NXNL2: variants seen among roughly 807,000 people sequenced by gnomAD.
NXNL2 encodes nucleoredoxin like 2.
Under a neutral mutation model 11.1 loss-of-function variants are expected in NXNL2, and 7 were observed. The ratio of observed to expected loss-of-function variants is 0.63; its 90% CI spans 0.36 to 1.18. The LOEUF is 1.18. Among genes scored for constraint, NXNL2 ranks in the 50% most tolerant of loss-of-function variants. NXNL2 has a pLI of 0.02. For missense variants in NXNL2, 233 were observed against 217.7 expected, an observed-to-expected ratio of 1.07 and a Z score of -0.44; for synonymous variants, 109 against 101.8, an observed-to-expected ratio of 1.07 and a Z score of -0.42.
chr9:88,540,936 T>TTTC (rs1491276506), intron 1 of NXNL2, among the ~76,000 whole-genome samples: 2 of 62,044 alleles, frequency 3.2e-5, no homozygotes, highest in African/African-American at 6.4e-4. Flanking sequence ...TCTCAGTAGA[T>TTTC]TTTTTTTTTT....
chr9:88,571,574 A>G (rs142229493), intron 2 of NXNL2, among the ~76,000 whole-genome samples: 1 of 152,330 alleles, frequency 6.6e-6, no homozygotes, highest in East Asian at 1.9e-4. Flanking sequence ...TGGCTCTGGT[A>G]ACTGTGCTGC....
intron 1 of NXNL2, among the ~76,000 whole-genome samples, chr9:88,540,463 C>CGAG (rs1829730879): frequency 6.6e-6 from 1 of 152,114 alleles, no homozygotes; most frequent in South Asian, 2.1e-4. Flanking sequence ...GTTCCACACG[C>CGAG]GCCTCCCCTG....
chr9:88,576,811 C>T (rs772233978), downstream of NXNL2, among the ~76,000 whole-genome samples: 3 of 152,220 alleles, frequency 2.0e-5, no homozygotes, highest in East Asian at 1.9e-4. Flanking sequence ...TTCTCTGGGA[C>T]GTAAGAGCCT....
chr9:88,546,969 C>T (rs528282214), downstream of NXNL2, among the ~76,000 whole-genome samples: 3 of 152,194 alleles, frequency 2.0e-5, no homozygotes, highest in Non-Finnish European at 2.9e-5. Context: ...TTATTTTTTC[C>T]GTGTGTACAC....
intron 1 of NXNL2, among the ~76,000 whole-genome samples, chr9:88,538,553 CGGT>C (rs1829678929): frequency 6.6e-6 from 1 of 152,214 alleles, no homozygotes; most frequent in South Asian, 2.1e-4. Context: ...TGTCTCCTCA[CGGT>C]GGCAGAATGG....
intron 1 of NXNL2, among the ~76,000 whole-genome samples, chr9:88,581,160 TGACTCACA>T (rs1380521689): frequency 6.6e-6 from 1 of 152,236 alleles, no homozygotes; most frequent in African/African-American, 2.4e-5. Context: ...TTTCATGCAC[TGACTCACA>T]GTGTCTGCCA....
At chr9:88,541,644 T>C (rs1280898880) in intron 1 of NXNL2, among the ~76,000 whole-genome samples, 2 of 152,194 alleles carry the variant, frequency 1.3e-5, no homozygotes, top group African/African-American at 2.4e-5. Context: ...TTTTTGTTGG[T>C]TCATTTCCTA....
chr9:88,563,614 T>G (rs1187411934), intron 1 of NXNL2, among the ~76,000 whole-genome samples: 1 of 152,186 alleles, frequency 6.6e-6, no homozygotes, highest in Non-Finnish European at 1.5e-5. Flanking sequence ...GAGGTTTAAA[T>G]TGGATCATGT....
At chr9:88,542,747 A>G (rs528505997) in intron 1 of NXNL2, among the ~76,000 whole-genome samples, 58 of 152,340 alleles carry the variant, frequency 3.8e-4, no homozygotes, top group South Asian at 8.3e-4. Flanking sequence ...AATAAACCAT[A>G]TTCTCTCTCT....
intron 1 of NXNL2, among the ~76,000 whole-genome samples, chr9:88,552,473 G>GTTTTTTTTTTTTTTTTTT (rs59133640): frequency 1.5e-5 from 2 of 131,566 alleles, no homozygotes; most frequent in African/African-American, 5.6e-5. Context: ...AAACATGCAT[G>GTTTTTTTTTTTTTTTTTT]TTTTTTTTTT....
At position 88,544,448 on chromosome 9, in the gene NXNL2, C is replaced by T. The variant is rs531243605; in HGVS notation, c.372C>T (p.Val124=). 3 of 1,551,834 alleles carry T rather than the reference C, an allele frequency of 1.9e-6. No individual in the cohort carries two copies. The African/African-American group carries it at 4.1e-5, about 21-fold the overall frequency. The change falls in exon 2 of 2, where the codon GTC becomes GTT. Residue 124 remains valine (V), a synonymous_variant. Transcript: ENST00000375854. ...KLVIVKQNGE[V]ITNKGRKQIR... Reference sequence around the variant, plus strand: ...TGATTGTGAAACAAAATGGGGAGGTCATCACCAACAAAGGGCGGAAGCAGA... The same window carrying T: ...TGATTGTGAAACAAAATGGGGAGGTTATCACCAACAAAGGGCGGAAGCAGA...
rs561355073 is a variant in NXNL2 at position 88,537,743 on chromosome 9, C to T, written c.302+2007C>T. On this transcript the variant is annotated intron_variant, in intron 1 of 1. Coordinates refer to ENST00000375854, the MANE Select transcript of NXNL2 (RefSeq NM_001161625.2). ...GGGGGTTTCCTGAGTTTCCATTGCC[C>T]ACAGGACAGAGCCAGACATGGTTCA... Among the ~76,000 whole-genome samples, 43 of 152,302 alleles carry T rather than the reference C, an allele frequency of 2.8e-4. 1 individual carries two copies. The South Asian group carries it at 5.6e-3, about 20-fold the overall frequency.
In NXNL2 at chr9:88,544,813, T is replaced by C. The variant is rs1048306380; in HGVS notation, c.*266T>C. On this transcript the variant is annotated 3_prime_UTR_variant, in exon 2 of 2. Transcript: ENST00000375854. The stretch of plus-strand genomic sequence containing the variant: ...CTGTGCTTAAGGAAGGATCCTCATA[T>C]GTTCATACTGAGCTGTTGGAAATCT... 2 of 1,157,552 alleles carry C rather than the reference T, an allele frequency of 1.7e-6. No homozygotes were observed. The highest frequency in any genetic ancestry group is 3.2e-5 in the African/African-American group (2 of 62,342). The allele number at this position is 1,157,552 out of a possible 1,614,324, so 71.7% of individuals were successfully genotyped here.
At position 88,535,715 on chromosome 9, in the gene NXNL2, C is replaced by G; in HGVS notation, c.281C>G (p.Pro94Arg). The G allele has an allele frequency of 1.3e-6, 2 of 1,585,654 alleles. No homozygotes were observed. Among genetic ancestry groups the G allele is most frequent in the Non-Finnish European group, 1.7e-6 (2 of 1,170,936 alleles). Residue 94 changes from proline (P) to arginine (R), a missense_variant, in exon 1 of 2, where the codon CCC becomes CGC. Physicochemically the swap from Pro to Arg is moderately radical, Grantham distance 103. Coordinates refer to ENST00000375854, the MANE Select transcript of NXNL2 (RefSeq NM_001161625.2). The stretch of plus-strand genomic sequence containing the variant: ...CTGCATGGCGCCTGGCTGGCGCTGC[C>G]CTTCCACGACCCCTACCGGCAGTGA... Reference protein sequence around the residue: ...RELHGAWLALPFHDPYRHELR... With the variant: ...RELHGAWLALRFHDPYRHELR...
At chr9:88,564,285 T>TCTATCTATCATCTATCTATC (rs1554706562) in intron 1 of NXNL2, among the ~76,000 whole-genome samples, 1 of 140,160 alleles carries the variant, frequency 7.1e-6, no homozygotes, top group African/African-American at 2.7e-5. Context: ...TATCTATCTA[T>TCTATCTATCATCTATCTATC]TATCTATCTA....
intron 1 of NXNL2, among the ~76,000 whole-genome samples, chr9:88,541,540 C>T (rs754754587): frequency 1.4e-4 from 21 of 152,180 alleles, no homozygotes; most frequent in Non-Finnish European, 2.2e-4. Context: ...GGATTACAGG[C>T]GTGAGCCACT....
At chr9:88,572,065 C>T (rs1426875875) in intron 2 of NXNL2, among the ~76,000 whole-genome samples, 1 of 152,146 alleles carries the variant, frequency 6.6e-6, no homozygotes, top group Non-Finnish European at 1.5e-5. Context: ...GCGGTTTCTC[C>T]CTCCCTCAGT....
At chr9:88,556,661 A>G (rs917294837) in intron 1 of NXNL2, among the ~76,000 whole-genome samples, 1 of 152,170 alleles carries the variant, frequency 6.6e-6, no homozygotes, top group Non-Finnish European at 1.5e-5. Flanking sequence ...CAGGCTGTCT[A>G]TGGCTTGAAG....
chr9:88,535,297 T>G lies in NXNL2; in HGVS notation c.-138T>G, dbSNP rs968824589. 4 of 801,800 alleles carry G rather than the reference T, an allele frequency of 5.0e-6. No homozygotes were observed. In the South Asian group the frequency reaches 7.4e-5, roughly 15 times the overall value. 49.7% of individuals were successfully genotyped at this position (801,800 alleles called of 1,614,324 possible). A position where few individuals can be genotyped will look rare whatever the true frequency, so the allele number is the denominator to read the frequency against. Reference sequence around the variant, plus strand: ...GAGGCCTGGCCAAGGTGTGGGCGCATCTGGGGCAGGTCTTGAGAGGTCCAG... The same window carrying G: ...GAGGCCTGGCCAAGGTGTGGGCGCAGCTGGGGCAGGTCTTGAGAGGTCCAG... On this transcript the variant is annotated 5_prime_UTR_variant, in exon 1 of 2. Transcript: ENST00000375854.
Sources: allele counts gnomAD v4.1 joint callset (sites outside exome capture counted in the v4.1 genomes callset), GRCh38; gene constraint gnomAD v4.1.1; transcripts MANE v1.5; gene names NCBI Gene and HGNC (gene_info 2026-07-23, HGNC 2026-07-21).